DYNC2H1: variants seen among roughly 807,000 people sequenced by gnomAD.
DYNC2H1 encodes the protein cytoplasmic dynein 2 heavy chain 1.
Under a neutral mutation model 570.0 loss-of-function variants are expected in DYNC2H1, and 410 were observed. The ratio of observed to expected loss-of-function variants is 0.72; its 90% CI spans 0.66 to 0.78. DYNC2H1 has a LOEUF of 0.78. Ranked by LOEUF, DYNC2H1 falls within the 30% of genes least tolerant of loss-of-function variation. The pLI is 0.00. For missense variants in DYNC2H1, 4,865 were observed against 5,046.4 expected (o/e 0.96, Z 1.09); for synonymous variants, 1,688 against 1,677.6 (o/e 1.01, Z -0.15).
At chr11:103,401,549 T>G (rs982599326) in intron 84 of DYNC2H1, among the ~76,000 whole-genome samples, 1 of 152,062 alleles carries the variant, frequency 6.6e-6, no homozygotes, top group Non-Finnish European at 1.5e-5. Flanking sequence ...TAGAGCAAAA[T>G]GGCTAAGAAT....
intron 54 of DYNC2H1, among the ~76,000 whole-genome samples, chr11:103,212,400 T>G (rs1362128396): frequency 6.6e-6 from 1 of 151,534 alleles, no homozygotes; most frequent in Non-Finnish European, 1.5e-5. Context: ...ACTAAAGAAC[T>G]TATGTAAGCA....
intron 67 of DYNC2H1, 128 bp from the exon 68 acceptor site, chr11:103,255,978 A>T: frequency 1.3e-6 from 1 of 767,586 alleles, no homozygotes; most frequent in South Asian, 2.7e-5. Context: ...GGGCTATAAA[A>T]TGTTGAAATT....
intron 83 of DYNC2H1, among the ~76,000 whole-genome samples, chr11:103,368,078 G>C (rs556656034): frequency 3.9e-5 from 6 of 152,008 alleles, no homozygotes; most frequent in Admixed American, 3.3e-4. Context: ...AGTAAACGTG[G>C]GAGTTCAAAT....
intron 48 of DYNC2H1, among the ~76,000 whole-genome samples, chr11:103,198,281 G>A (rs1426483207): frequency 6.6e-6 from 1 of 152,152 alleles, no homozygotes; most frequent in Non-Finnish European, 1.5e-5. Flanking sequence ...TTGGGCAAAG[G>A]TATGTTGGAA....
chr11:103,303,376 C>T, intron 76 of DYNC2H1, 123 bp downstream of exon 76: 2 of 1,045,366 alleles, frequency 1.9e-6, no homozygotes, highest in East Asian at 5.3e-5. Context: ...ATGTCTATGT[C>T]CTAATCCTCA....
intron 73 of DYNC2H1, among the ~76,000 whole-genome samples, chr11:103,285,277 T>C (rs1866299947): frequency 6.6e-6 from 1 of 151,914 alleles, no homozygotes. Context: ...GTGCTGGGGG[T>C]CAGTGAATAG....
chr11:103,330,071 T>C (rs1938697998), intron 82 of DYNC2H1, among the ~76,000 whole-genome samples: 1 of 152,214 alleles, frequency 6.6e-6, no homozygotes, highest in Admixed American at 6.5e-5. Context: ...TCTAATATAA[T>C]ATTAGAATAG....
At chr11:103,215,376 A>G (rs909431227) in intron 54 of DYNC2H1, among the ~76,000 whole-genome samples, 7 of 152,236 alleles carry the variant, frequency 4.6e-5, no homozygotes, top group African/African-American at 1.7e-4. Context: ...GAATTTTATC[A>G]GATGTGTTTT....
At chr11:103,473,497 A>G (rs1370808922) in intron 88 of DYNC2H1, among the ~76,000 whole-genome samples, 1 of 152,178 alleles carries the variant, frequency 6.6e-6, no homozygotes, top group Non-Finnish European at 1.5e-5. Flanking sequence ...ATGTTTCTAT[A>G]TATCATAATA....
In DYNC2H1 at chr11:103,177,748, G is replaced by A. The variant is rs1861684526; in HGVS notation, c.6067G>A (p.Asp2023Asn). Reference sequence around the variant, plus strand: ...TCGATATCAATTATTAGGCCATATTGACATGGACACAAGAGAATGGTCTGA... The same window carrying A: ...TCGATATCAATTATTAGGCCATATTAACATGGACACAAGAGAATGGTCTGA... The part of the protein sequence containing the change: ...MPRYQLLGHI[D>N]MDTREWSDGV... Residue 2023 changes from aspartate to asparagine, a missense_variant, in exon 38 of 89, where the codon GAC (aspartate) becomes AAC (asparagine). Transcript: ENST00000375735. This position sits in a 1 kb window ranked among gnomAD's most constrained non-coding sequence, Gnocchi z 4.4. 1.9e-6 allele frequency: 3 copies of A among 1,613,408 alleles called. No individual in the cohort carries two copies. In the East Asian group the frequency reaches 6.7e-5, roughly 36 times the overall value.
intron 12 of DYNC2H1, among the ~76,000 whole-genome samples, chr11:103,126,871 C>T (rs575872354): frequency 1.6e-4 from 24 of 152,280 alleles, no homozygotes; most frequent in Non-Finnish European, 2.9e-4. Context: ...ATCTCCTGAC[C>T]TTGTGATCCG....
At chr11:103,188,734 T>G (rs565619246) in intron 44 of DYNC2H1, 86 bp downstream of exon 44, 1 of 1,102,926 alleles carries the variant, frequency 9.1e-7, no homozygotes, top group South Asian at 3.5e-5. Context: ...TGATAATACT[T>G]TAAAATTTAG....
chr11:103,239,796 G>T lies in DYNC2H1; in HGVS notation c.9819+3257G>T, dbSNP rs143228647. Among the ~76,000 whole-genome samples, 552 of 152,178 alleles carry T rather than the reference G, an allele frequency of 3.6e-3. 3 individuals are homozygous for T. The highest frequency in any genetic ancestry group is 0.013 in the African/African-American group (520 of 41,522). The stretch of plus-strand genomic sequence containing the variant: ...GTCCCATTTATAAGTATTGAAAATA[G>T]ACATAACATTATAGGGTGTACTAGG... On this transcript the variant is annotated intron_variant, in intron 63 of 88. Coordinates refer to ENST00000375735, the MANE Select transcript of DYNC2H1 (RefSeq NM_001377.3). This position sits in a 1 kb window ranked among gnomAD's most constrained non-coding sequence, Gnocchi z 4.3.
chr11:103,219,576 C>T (rs1269027167), intron 55 of DYNC2H1, among the ~76,000 whole-genome samples: 3 of 152,182 alleles, frequency 2.0e-5, no homozygotes, highest in Non-Finnish European at 4.4e-5. Flanking sequence ...TGTGCTCTTA[C>T]ACTCCAGCCT....
chr11:103,174,524 TA>T (rs1861715585), intron 36 of DYNC2H1, among the ~76,000 whole-genome samples: 1 of 152,176 alleles, frequency 6.6e-6, no homozygotes, highest in Non-Finnish European at 1.5e-5. Context: ...AGTGGCTTGT[TA>T]AAACAGATTA....
Position 103,326,169 on chromosome 11 carries a change from G to GCT in DYNC2H1, c.12039+2182_12039+2183dup, listed in dbSNP as rs1182689225. On this transcript the variant is annotated intron_variant, in intron 82 of 88. Coordinates refer to ENST00000375735, the MANE Select transcript of DYNC2H1 (RefSeq NM_001377.3). This position sits in a 1 kb window ranked among gnomAD's most constrained non-coding sequence, Gnocchi z 6.1. ...CTTAGGAGTAGTGGCTGGTAGATAG[G>GCT]CTCTTACTTAGCCCTGTGGTTTTTT... Among the ~76,000 whole-genome samples, 1 of 152,140 alleles carries GCT rather than the reference G, an allele frequency of 6.6e-6. No individual in the cohort carries two copies. Among genetic ancestry groups the GCT allele is most frequent in the African/African-American group, 2.4e-5 (1 of 41,442 alleles).
At position 103,186,410 on chromosome 11, in the gene DYNC2H1, A is replaced by G. The variant is rs371663033; in HGVS notation, c.6802A>G (p.Met2268Val). ...TCTTCCAGTCATTCAGACTCCTGAC[A>G]TGCAACGAGGTCTAGATTATTTCAA... ...LTLPVIQTPD[M>V]QRGLDYFKPW... The change falls in exon 42 of 89, where the codon ATG (methionine) becomes GTG (valine). Residue 2268 changes from methionine to valine, a missense_variant. Around this residue, in one of 5 missense-constraint regions of DYNC2H1, gnomAD observed 2,401 missense variants for 2,454.6 expected, o/e 0.98. Transcript: ENST00000375735. The surrounding 1 kb of genome is among the most constrained non-coding windows in gnomAD (Gnocchi z 4.5). The G allele has an allele frequency of 1.5e-5, 24 of 1,612,812 alleles. No individual in the cohort carries two copies. The highest frequency in any genetic ancestry group is 1.0e-4 in the Admixed American group (6 of 59,864).
At chr11:103,478,259 C>G (rs955614567) in intron 88 of DYNC2H1, among the ~76,000 whole-genome samples, 8 of 152,116 alleles carry the variant, frequency 5.3e-5, no homozygotes, top group African/African-American at 1.9e-4. Context: ...AGGCATTTAT[C>G]TAGTTTTTCT....
intron 79 of DYNC2H1, among the ~76,000 whole-genome samples, chr11:103,312,885 A>G (rs1867665633): frequency 6.6e-6 from 1 of 152,092 alleles, no homozygotes; most frequent in Non-Finnish European, 1.5e-5. Context: ...CAGTCTATAA[A>G]CTCAGGAGCT....
Sources: allele counts gnomAD v4.1 joint callset (sites outside exome capture counted in the v4.1 genomes callset), GRCh38; gene constraint gnomAD v4.1.1; regional missense constraint gnomAD v4.1.1; non-coding constraint Gnocchi (gnomAD v3.1); transcripts MANE v1.5; gene names NCBI Gene and HGNC (gene_info 2026-07-23, HGNC 2026-07-21).